UPK1A: variants seen among roughly 807,000 people sequenced by gnomAD.
UPK1A encodes the protein uroplakin-1a.
A neutral mutation model predicts 32.3 loss-of-function variants in UPK1A; 31 were observed. That is an observed-to-expected ratio of 0.96 (90% CI 0.72 to 1.30). The LOEUF is 1.30. Ranked by LOEUF, UPK1A falls within the 50% of genes most tolerant of loss-of-function variation. The pLI, the probability that UPK1A is intolerant of heterozygous loss-of-function variation, is 0.00. For missense variants in UPK1A, 340 were observed against 357.4 expected, an observed-to-expected ratio of 0.95 and a Z score of 0.39; for synonymous variants, 135 against 137.1, an observed-to-expected ratio of 0.98 and a Z score of 0.11.
intron 6 of UPK1A, 176 bp downstream of exon 6, chr19:35,676,195 C>T (rs1453785997): frequency 5.1e-6 from 3 of 589,658 alleles, no homozygotes; most frequent in Non-Finnish European, 7.9e-6. Context: ...TTCTTTCTTT[C>T]TTTTTTTTTT....
chr19:35,671,102 G>A (rs187175591), intron 3 of UPK1A, among the ~76,000 whole-genome samples: 1 of 152,022 alleles, frequency 6.6e-6, no homozygotes, highest in East Asian at 2.0e-4. Context: ...TAAAAATTGT[G>A]TCTGGGCCGG....
rs10424849 is a variant in UPK1A at position 35,674,914 on chromosome 19, C to T, written c.469-926C>T. Among the ~76,000 whole-genome samples, 321 of 151,928 alleles carry T rather than the reference C, an allele frequency of 2.1e-3. 2 individuals are homozygous for T. The highest frequency in any genetic ancestry group is 6.6e-3 in the African/African-American group (272 of 41,480). Reference sequence around the variant, plus strand: ...AAAATTAGTCAGGTGTAGTAGTGTGCGCCTGTGATTCCAGCTACTTGGGAG... The same window carrying T: ...AAAATTAGTCAGGTGTAGTAGTGTGTGCCTGTGATTCCAGCTACTTGGGAG... On this transcript the variant is annotated intron_variant, in intron 5 of 7. Coordinates refer to ENST00000617999, the Ensembl canonical transcript of UPK1A.
chr19:35,671,372 G>A (rs1356490850), intron 3 of UPK1A, among the ~76,000 whole-genome samples: 1 of 95,468 alleles, frequency 1.0e-5, no homozygotes, highest in Non-Finnish European at 1.9e-5. Flanking sequence ...GGGCGACAGA[G>A]CAAGACTCTG....
At chr19:35,674,239 A>ATTTTTTTT (rs1968147521) in intron 5 of UPK1A, among the ~76,000 whole-genome samples, 1 of 94,328 alleles carries the variant, frequency 1.1e-5, no homozygotes, top group Non-Finnish European at 2.2e-5. Flanking sequence ...TTTTCTTTTT[A>ATTTTTTTT]TCTTTTTTTT....
At chr19:35,673,094 C>T (rs1453473781) in intron 3 of UPK1A, 138 bp from the exon 4 acceptor site, 1 of 716,180 alleles carries the variant, frequency 1.4e-6, no homozygotes, top group South Asian at 1.7e-5. Context: ...CACCTGAACA[C>T]CCACCACATA....
exon 2 of UPK1A, chr19:35,666,852 C>G (rs1278778369): frequency 1.2e-6 from 2 of 1,614,018 alleles, no homozygotes; most frequent in Non-Finnish European, 1.7e-6. Context: ...GAAGGGATCT[C>G]CAGTTGTGGT....
intron 3 of UPK1A, among the ~76,000 whole-genome samples, chr19:35,672,418 T>C (rs144955013): frequency 0.061 from 9,249 of 152,266 alleles, 351 homozygotes; most frequent in African/African-American, 0.11. Context: ...CCCATCACCA[T>C]GCCCAGCTAA....
Position 35,672,063 on chromosome 19 carries a change from C to A in UPK1A, c.286-1169C>A, listed in dbSNP as rs150877702. 1.1e-4 allele frequency among the ~76,000 whole-genome samples: 17 copies of A among 152,328 alleles called. No homozygotes were observed. The East Asian group carries it at 2.9e-3, about 26-fold the overall frequency. On this transcript the variant is annotated intron_variant, in intron 3 of 7. Transcript: ENST00000617999. ...GCAGAGTTCACACATCCACACGCAACCTCCTGCTGCTTTATAGATGAAGGT... is the reference window on the plus strand; with the variant it reads ...GCAGAGTTCACACATCCACACGCAAACTCCTGCTGCTTTATAGATGAAGGT...
intron 6 of UPK1A, among the ~76,000 whole-genome samples, chr19:35,676,627 G>A (rs190882091): frequency 4.6e-5 from 7 of 151,770 alleles, no homozygotes; most frequent in Non-Finnish European, 7.4e-5. Flanking sequence ...GGCCGGGCGC[G>A]ATGGCTCATG....
Position 35,674,285 on chromosome 19 carries a change from C to G in UPK1A, c.468+740C>G, listed in dbSNP as rs375942057. Reference sequence around the variant, plus strand: ...TTTTTGAGACAGAGTCTTGCTCTGTCGCCCAGGCTGGAATGCAGTGGCGCG... The same window carrying G: ...TTTTTGAGACAGAGTCTTGCTCTGTGGCCCAGGCTGGAATGCAGTGGCGCG... On this transcript the variant is annotated intron_variant, in intron 5 of 7. Coordinates refer to ENST00000617999, the Ensembl canonical transcript of UPK1A. Among the ~76,000 whole-genome samples, 58 of 122,212 alleles carry G rather than the reference C, an allele frequency of 4.7e-4. No individual in the cohort carries two copies. The East Asian group carries it at 0.011, about 23-fold the overall frequency. The allele number at this position is 122,212 out of a possible 152,430, so 80.2% of individuals were successfully genotyped here. A position where few individuals can be genotyped will look rare whatever the true frequency, so the allele number is the denominator to read the frequency against.
In UPK1A at chr19:35,677,836, G is replaced by A. The variant is rs200968025; in HGVS notation, c.673G>A (p.Ala225Thr). 488 of 1,611,694 alleles carry A rather than the reference G, an allele frequency of 3.0e-4. No individual in the cohort carries two copies. Among genetic ancestry groups the A allele is most frequent in the Non-Finnish European group, 3.4e-4 (405 of 1,179,800 alleles). Residue 225 changes from alanine (A) to threonine (T), a missense_variant, in exon 7 of 8, where the codon GCC becomes ACC. Ala to Thr is a moderately conservative substitution (Grantham distance 58). Transcript: ENST00000617999. ...GGGCTGCTTCGAACACATCGGCCAC[G>A]CCATCGACAGCTACACGTGGGGTAT...
intron 3 of UPK1A, among the ~76,000 whole-genome samples, chr19:35,672,307 G>C (rs1968114009): frequency 2.6e-5 from 4 of 152,180 alleles, no homozygotes; most frequent in Admixed American, 2.6e-4. Context: ...TGTTGCCCAG[G>C]CTGGAGTGTA....
At position 35,674,071 on chromosome 19, in the gene UPK1A, T is replaced by A. The variant is rs2311870; in HGVS notation, c.468+526T>A. On this transcript the variant is annotated intron_variant, in intron 5 of 7. Coordinates refer to ENST00000617999, the Ensembl canonical transcript of UPK1A. ...CCCCACCACACCCGGCTAAGTTTTT[T>A]AAATTATCTTTTGTGGAGATGGGGG... is the stretch of plus-strand genomic sequence containing the variant. Among the ~76,000 whole-genome samples, 762 of 151,494 alleles carry A rather than the reference T, an allele frequency of 5.0e-3. 3 individuals are homozygous for A. The highest frequency in any genetic ancestry group is 0.037 in the Middle Eastern group (11 of 294).
chr19:35,672,740 A>C (rs1441087258), intron 3 of UPK1A, among the ~76,000 whole-genome samples: 1 of 151,690 alleles, frequency 6.6e-6, no homozygotes, highest in Non-Finnish European at 1.5e-5. Context: ...TGCTTAACTA[A>C]TTTTTTTATT....
At chr19:35,673,942 C>G (rs1218322259) in intron 5 of UPK1A, among the ~76,000 whole-genome samples, 4 of 152,276 alleles carry the variant, frequency 2.6e-5, no homozygotes, top group Non-Finnish European at 2.9e-5. Flanking sequence ...GGGTCTTGCT[C>G]TGTTGCCCAG....
intron 4 of UPK1A, 59 bp downstream of exon 4, chr19:35,673,365 G>A: frequency 6.2e-7 from 1 of 1,611,210 alleles, no homozygotes; most frequent in Non-Finnish European, 8.5e-7. Context: ...GAGGGTCCCG[G>A]CGCGGCGGGG....
intron 3 of UPK1A, among the ~76,000 whole-genome samples, chr19:35,669,637 T>C (rs996628067): frequency 3.9e-5 from 6 of 151,960 alleles, no homozygotes; most frequent in East Asian, 1.9e-4. Flanking sequence ...CACCACTGCA[T>C]TCCAGCCTGG....
Position 35,668,325 on chromosome 19 carries a change from C to T in UPK1A, c.85-129C>T, listed in dbSNP as rs1226138241. The T allele has an allele frequency of 9.0e-6, 10 of 1,112,408 alleles. No homozygotes were observed. In the African/African-American group the frequency reaches 1.1e-4, roughly 12 times the overall value. 68.9% of individuals were successfully genotyped at this position (1,112,408 alleles called of 1,614,324 possible). On this transcript the variant is annotated intron_variant, in intron 2 of 7. Coordinates refer to ENST00000617999, the Ensembl canonical transcript of UPK1A. The stretch of plus-strand genomic sequence containing the variant: ...CACCCTCATCGCTGCTCATGGAAGG[C>T]GAGGTCTTTGCCCACTTTACTGAGA...
Position 35,672,642 on chromosome 19 carries a change from G to A in UPK1A, c.286-590G>A, listed in dbSNP as rs565173890. ...GAATGCAGTGGTGCGATCATAGCTC[G>A]CTGAGGCCTCCAACTACTGGGCTCA... is the stretch of plus-strand genomic sequence containing the variant. On this transcript the variant is annotated intron_variant, in intron 3 of 7. Transcript: ENST00000617999. 2.1e-4 allele frequency among the ~76,000 whole-genome samples: 32 copies of A among 152,314 alleles called. 1 individual carries two copies. Among genetic ancestry groups the A allele is most frequent in the Admixed American group, 1.1e-3 (17 of 15,290 alleles).
Sources: gnomAD v4.1 joint callset for allele counts (sites outside exome capture counted in the v4.1 genomes callset) on GRCh38, gnomAD v4.1.1 for gene constraint, MANE v1.5 for transcripts, NCBI Gene and HGNC (gene_info 2026-07-23, HGNC 2026-07-21) for gene names.